The following IL1RAPL1 variants were observed in gnomAD, a reference collection of about 807,000 sequenced individuals.
The protein encoded by IL1RAPL1 is interleukin-1 receptor accessory protein-like 1.
A neutral mutation model predicts 48.4 loss-of-function variants in IL1RAPL1; 3 were observed. The ratio of observed to expected loss-of-function variants is 0.06; its 90% CI spans 0.03 to 0.16. IL1RAPL1 has a LOEUF of 0.16. Ranked by LOEUF, IL1RAPL1 falls within the 10% of genes least tolerant of loss-of-function variation. The pLI, the probability that IL1RAPL1 is intolerant of heterozygous loss-of-function variation, is 1.00. For missense variants in IL1RAPL1, 349 were observed against 530.6 expected, an observed-to-expected ratio of 0.66 and a Z score of 3.36; for synonymous variants, 185 against 187.7, an observed-to-expected ratio of 0.99 and a Z score of 0.12.
At chrX:28,869,991 G>A (rs1259611342) in intron 2 of IL1RAPL1, among the ~76,000 whole-genome samples, 1 of 111,216 alleles carries the variant, frequency 9.0e-6, no homozygotes, top group African/African-American at 3.3e-5. Context: ...CTTCCATTTA[G>A]CATAATGTTT....
Position 28,840,892 on chromosome X carries a change from T to C in IL1RAPL1, c.82+51467T>C, listed in dbSNP as rs1921353819. 2.7e-5 allele frequency among the ~76,000 whole-genome samples: 3 copies of C among 110,644 alleles called. No individual in the cohort carries two copies. The South Asian group carries it at 1.1e-3, about 41-fold the overall frequency. On this transcript the variant is annotated intron_variant, in intron 2 of 10. Transcript: ENST00000378993. Reference sequence around the variant, plus strand: ...CAAATCATCTTAACAGCAACAAGTATGGAACCTAATTTCCAATGGAAATAT... The same window carrying C: ...CAAATCATCTTAACAGCAACAAGTACGGAACCTAATTTCCAATGGAAATAT...
At chrX:29,173,397 A>G (rs1929946247) in intron 2 of IL1RAPL1, among the ~76,000 whole-genome samples, 1 of 112,346 alleles carries the variant, frequency 8.9e-6, no homozygotes, top group Non-Finnish European at 1.9e-5. Context: ...ATAATTGTTT[A>G]TATTGTTAAT....
chrX:29,502,193 T>TGAA (rs1281243090), intron 5 of IL1RAPL1, among the ~76,000 whole-genome samples: 2 of 111,695 alleles, frequency 1.8e-5, no homozygotes, highest in Non-Finnish European at 3.8e-5. Flanking sequence ...GCAAATTTAC[T>TGAA]GAATTTACCA....
chrX:29,731,717 G>C (rs746191410), intron 6 of IL1RAPL1, among the ~76,000 whole-genome samples: 1 of 112,403 alleles, frequency 8.9e-6, no homozygotes, highest in Admixed American at 9.4e-5. Flanking sequence ...TCAACCCCCA[G>C]CTGGGAGCTG....
intron 2 of IL1RAPL1, among the ~76,000 whole-genome samples, chrX:29,187,391 CAG>C (rs1330292417): frequency 9.0e-6 from 1 of 111,369 alleles, no homozygotes; most frequent in Admixed American, 9.6e-5. Context: ...AGTATTGGGA[CAG>C]AGGCAAATGG....
chrX:29,532,033 AG>A (rs766235861), intron 5 of IL1RAPL1, among the ~76,000 whole-genome samples: 6 of 111,210 alleles, frequency 5.4e-5, no homozygotes, highest in Admixed American at 9.5e-5. Flanking sequence ...TCGCGGGGAG[AG>A]GGGGGGCGCA....
intron 1 of IL1RAPL1, among the ~76,000 whole-genome samples, chrX:28,742,372 G>C (rs1935919830): frequency 1.8e-5 from 2 of 111,477 alleles, no homozygotes; most frequent in Non-Finnish European, 3.8e-5. Flanking sequence ...AAAATCAATG[G>C]ATTTTGAGTA....
At chrX:28,652,978 G>A in intron 1 of IL1RAPL1, among the ~76,000 whole-genome samples, 1 of 111,331 alleles carries the variant, frequency 9.0e-6, no homozygotes, top group South Asian at 3.8e-4. Context: ...GCGTAGAGAA[G>A]TATGTCACAT....
chrX:29,732,976 C>A (rs899917131), intron 6 of IL1RAPL1, among the ~76,000 whole-genome samples: 8 of 109,825 alleles, frequency 7.3e-5, no homozygotes, highest in African/African-American at 2.7e-4. Flanking sequence ...AATGTGATAT[C>A]TTATATTTTA....
chrX:29,091,945 G>A (rs1417490011), intron 2 of IL1RAPL1, among the ~76,000 whole-genome samples: 1 of 111,705 alleles, frequency 9.0e-6, no homozygotes, highest in African/African-American at 3.2e-5. Flanking sequence ...GTCAAAAAAA[G>A]TAAAATAAAA....
chrX:28,872,039 GCT>G (rs1219299388), intron 2 of IL1RAPL1, among the ~76,000 whole-genome samples: 1 of 111,649 alleles, frequency 9.0e-6, no homozygotes, highest in Non-Finnish European at 1.9e-5. Context: ...ATAGGGTCTT[GCT>G]CTGTCACCCA....
At chrX:29,719,515 T>G (rs1409946444) in intron 6 of IL1RAPL1, among the ~76,000 whole-genome samples, 1 of 109,401 alleles carries the variant, frequency 9.1e-6, no homozygotes, top group East Asian at 2.9e-4. Flanking sequence ...CGCTAAAGAG[T>G]TGTGGGGTTT....
At chrX:29,659,964 C>T (rs1925791938) in intron 5 of IL1RAPL1, among the ~76,000 whole-genome samples, 1 of 111,643 alleles carries the variant, frequency 9.0e-6, no homozygotes, top group Non-Finnish European at 1.9e-5. Context: ...GTGCAGGAAG[C>T]ATGGCTAGGG....
intron 6 of IL1RAPL1, among the ~76,000 whole-genome samples, chrX:29,795,636 C>G (rs1199020637): frequency 8.9e-6 from 1 of 112,936 alleles, no homozygotes; most frequent in East Asian, 2.8e-4. Context: ...GTCTCGAACT[C>G]CTGGACTCAA....
At chrX:29,638,537 T>A (rs1318241825) in intron 5 of IL1RAPL1, among the ~76,000 whole-genome samples, 1 of 112,059 alleles carries the variant, frequency 8.9e-6, no homozygotes, top group Non-Finnish European at 1.9e-5. Context: ...TTCATGGCTT[T>A]TGTTTTTCCA....
At chrX:29,713,403 G>C (rs1237807549) in intron 6 of IL1RAPL1, among the ~76,000 whole-genome samples, 1 of 111,804 alleles carries the variant, frequency 8.9e-6, no homozygotes, top group African/African-American at 3.2e-5. Context: ...AATTTGTTTA[G>C]AGCAAAGGAT....
At chrX:28,918,410 G>C (rs1003483363) in intron 2 of IL1RAPL1, among the ~76,000 whole-genome samples, 2 of 111,959 alleles carry the variant, frequency 1.8e-5, no homozygotes, top group Non-Finnish European at 3.8e-5. Flanking sequence ...TATCTGAAAC[G>C]GATGCCACCA....
intron 2 of IL1RAPL1, among the ~76,000 whole-genome samples, chrX:28,834,886 A>G (rs1921165897): frequency 9.0e-6 from 1 of 111,334 alleles, no homozygotes; most frequent in South Asian, 3.7e-4. Context: ...ACATTATTTG[A>G]GCTCCACTGT....
chrX:29,200,504 G>A (rs1368759769), intron 2 of IL1RAPL1, among the ~76,000 whole-genome samples: 2 of 111,989 alleles, frequency 1.8e-5, no homozygotes, highest in African/African-American at 6.5e-5. Flanking sequence ...AATTTTAGCA[G>A]ATTGTTTTTT....
Sources: gnomAD v4.1 joint callset for allele counts (sites outside exome capture counted in the v4.1 genomes callset) on GRCh38, gnomAD v4.1.1 for gene constraint, MANE v1.5 for transcripts, NCBI Gene and HGNC (gene_info 2026-07-23, HGNC 2026-07-21) for gene names.